The following ABCB5 variants were observed in gnomAD, a reference collection of about 807,000 sequenced individuals.
ABCB5 encodes the protein ATP-binding cassette sub-family B member 5.
Under a neutral mutation model 144.2 loss-of-function variants are expected in ABCB5, and 155 were observed. The ratio of observed to expected loss-of-function variants is 1.08; its 90% CI spans 0.94 to 1.23. The LOEUF (loss-of-function observed/expected upper bound fraction) is 1.23. ABCB5 is among the 50% of genes most tolerant of loss of function. ABCB5 has a pLI of 0.00. For synonymous variants in ABCB5, 610 were observed against 528.6 expected, an observed-to-expected ratio of 1.15 and a Z score of -2.11; for missense variants, 1,830 against 1,520.8, an observed-to-expected ratio of 1.20 and a Z score of -3.38.
At chr7:20,647,767 T>A in intron 10 of ABCB5, 119 bp downstream of exon 10, 1 of 1,439,440 alleles carries the variant, frequency 6.9e-7, no homozygotes, top group Non-Finnish European at 9.3e-7. Flanking sequence ...TGGCCAGTTG[T>A]TTATGGGAAA....
At position 20,710,384 on chromosome 7, in the gene ABCB5, G is replaced by T. The variant is rs1189041398; in HGVS notation, c.2421+5577G>T. On this transcript the variant is annotated intron_variant, in intron 20 of 27. Transcript: ENST00000404938. ...CTCCACCTCAAAAAAAAAAAAAAGT[G>T]GGGGGGGGGCATGACTGTGTTTCAA... Among the ~76,000 whole-genome samples the T allele has an allele frequency of 2.2e-3, 192 of 87,296 alleles. 19 individuals are homozygous for T. Among genetic ancestry groups the T allele is most frequent in the African/African-American group, 8.3e-3 (177 of 21,356 alleles). 57.3% of individuals were successfully genotyped at this position (87,296 alleles called of 152,430 possible). A position where few individuals can be genotyped will look rare whatever the true frequency, so the allele number is the denominator to read the frequency against.
intron 23 of ABCB5, among the ~76,000 whole-genome samples, chr7:20,737,371 G>T (rs79135485): frequency 6.6e-6 from 1 of 151,858 alleles, no homozygotes; most frequent in African/African-American, 2.4e-5. Context: ...CCTTTCTTCC[G>T]GCTCCATTCT....
chr7:20,674,308 T>G (rs1345827511), intron 14 of ABCB5, among the ~76,000 whole-genome samples: 8 of 151,992 alleles, frequency 5.3e-5, no homozygotes, highest in Non-Finnish European at 1.2e-4. Flanking sequence ...GTCCCACTAC[T>G]GATGAATAAT....
chr7:20,738,673 C>G (rs1316594514), intron 23 of ABCB5, among the ~76,000 whole-genome samples: 1 of 152,186 alleles, frequency 6.6e-6, no homozygotes, highest in Non-Finnish European at 1.5e-5. Context: ...TCCAAGCAAG[C>G]AAGCCTCATA....
At chr7:20,705,565 T>C (rs1034110310) in intron 20 of ABCB5, among the ~76,000 whole-genome samples, 5 of 152,202 alleles carry the variant, frequency 3.3e-5, no homozygotes, top group African/African-American at 1.2e-4. Context: ...AAAATAAAAA[T>C]TCTAGTAGAG....
intron 20 of ABCB5, among the ~76,000 whole-genome samples, chr7:20,711,067 G>A (rs1436862893): frequency 6.7e-6 from 1 of 149,754 alleles, no homozygotes; most frequent in Non-Finnish European, 1.5e-5. Context: ...AAATAGTGCA[G>A]TACTTCCATT....
intron 5 of ABCB5, among the ~76,000 whole-genome samples, chr7:20,639,435 A>G (rs905390908): frequency 1.9e-4 from 29 of 152,170 alleles, no homozygotes; most frequent in African/African-American, 6.3e-4. Flanking sequence ...AGGATGATGA[A>G]GATTTTCCTT....
At chr7:20,662,161 T>G (rs1785023253) in intron 14 of ABCB5, among the ~76,000 whole-genome samples, 1 of 152,118 alleles carries the variant, frequency 6.6e-6, no homozygotes, top group Admixed American at 6.5e-5. Context: ...ATTAAGGGAG[T>G]TTCGGCCACA....
chr7:20,735,554 C>T (rs542769149), intron 23 of ABCB5, among the ~76,000 whole-genome samples: 1 of 152,254 alleles, frequency 6.6e-6, no homozygotes, highest in Admixed American at 6.5e-5. Flanking sequence ...CTAGCTCTTG[C>T]CTGGCTCCTC....
chr7:20,688,980 G>GTA (rs1786109155), intron 16 of ABCB5, among the ~76,000 whole-genome samples: 3 of 151,490 alleles, frequency 2.0e-5, no homozygotes, highest in Non-Finnish European at 4.4e-5. Context: ...GGTGGGGAGA[G>GTA]GGGGGAGGGA....
chr7:20,748,293 G>A (rs759399060), intron 26 of ABCB5, among the ~76,000 whole-genome samples: 8 of 152,082 alleles, frequency 5.3e-5, no homozygotes, highest in East Asian at 1.9e-4. Context: ...CAGCTCACAC[G>A]TAGGTTTTTA....
At chr7:20,659,134 C>T in intron 14 of ABCB5, 2 of 1,613,928 alleles carry the variant, frequency 1.2e-6, no homozygotes, top group East Asian at 2.2e-5. Flanking sequence ...TGAACCAGCG[C>T]CCTTCGACAG....
At chr7:20,706,479 A>C (rs1257641043) in intron 20 of ABCB5, among the ~76,000 whole-genome samples, 1 of 152,238 alleles carries the variant, frequency 6.6e-6, no homozygotes, top group Non-Finnish European at 1.5e-5. Flanking sequence ...ATTGTTACTA[A>C]TAAATAGTAT....
At chr7:20,650,733 GC>G (rs1784558251) in intron 12 of ABCB5, among the ~76,000 whole-genome samples, 1 of 152,030 alleles carries the variant, frequency 6.6e-6, no homozygotes, top group African/African-American at 2.4e-5. Context: ...CTAGAGCCTG[GC>G]TTTATTTAAA....
At chr7:20,647,439 C>A (rs1784437576) in intron 9 of ABCB5, 96 bp from the exon 10 acceptor site, 20 of 1,414,136 alleles carry the variant, frequency 1.4e-5, no homozygotes, top group Non-Finnish European at 1.8e-5. Context: ...CCTCTAATAT[C>A]TCTCTGTGAG....
At chr7:20,717,053 A>G (rs1781696454) in intron 20 of ABCB5, among the ~76,000 whole-genome samples, 1 of 152,022 alleles carries the variant, frequency 6.6e-6, no homozygotes, top group Non-Finnish European at 1.5e-5. Context: ...TCCCATCTGG[A>G]GCTTGAGATG....
intron 21 of ABCB5, 41 bp downstream of exon 21, chr7:20,723,260 G>C (rs578213592): frequency 2.5e-6 from 4 of 1,587,090 alleles, no homozygotes; most frequent in African/African-American, 2.7e-5. Flanking sequence ...CATTTAAAGA[G>C]AAAAACAGTC....
intron 4 of ABCB5, among the ~76,000 whole-genome samples, chr7:20,629,186 A>G (rs993582407): frequency 1.2e-4 from 5 of 40,160 alleles, no homozygotes; most frequent in African/African-American, 3.2e-4. Flanking sequence ...GTGTGTGTGT[A>G]AAGAGTGAGA....
rs1400407760 is a variant in ABCB5 at position 20,728,318 on chromosome 7, T to C, written c.2730T>C (p.Asn910=). 1 of 1,613,842 alleles carries C rather than the reference T, an allele frequency of 6.2e-7. No individual in the cohort carries two copies. The highest frequency in any genetic ancestry group is 8.5e-7 in the Non-Finnish European group (1 of 1,179,838). ...TGGTAAATTTTGTACATTCCAGAAA[T>C]ACCTCGAAGAAAGCACAGATTATTG... is the stretch of plus-strand genomic sequence containing the variant. ...YEEMLQTQHR[N]TSKKAQIIGS... The change falls in exon 23 of 28, where the codon AAT becomes AAC. Residue 910 remains asparagine (N), a synonymous_variant. Transcript: ENST00000404938.
Sources: allele counts gnomAD v4.1 joint callset (sites outside exome capture counted in the v4.1 genomes callset), GRCh38; gene constraint gnomAD v4.1.1; transcripts MANE v1.5; gene names NCBI Gene and HGNC (gene_info 2026-07-23, HGNC 2026-07-21).